The following WDR75 variants were observed in gnomAD, a reference collection of about 807,000 sequenced individuals.
WDR75 encodes WD repeat-containing protein 75.
A neutral mutation model predicts 106.1 loss-of-function variants in WDR75; 52 were observed. The observed-to-expected ratio is 0.49, with a 90% CI of 0.39 to 0.62. WDR75 has a LOEUF of 0.62. WDR75 is among the 20% of genes least tolerant of loss of function. The probability of loss-of-function intolerance (pLI) is 0.00; values close to 1 mark genes in which losing one functional copy is unlikely to be tolerated. For missense variants in WDR75, 905 were observed against 970.3 expected, an observed-to-expected ratio of 0.93 and a Z score of 0.89; for synonymous variants, 333 against 335.5, an observed-to-expected ratio of 0.99 and a Z score of 0.08.
chr2:189,442,440 TTC>T (rs142422444), intron 1 of WDR75, among the ~76,000 whole-genome samples: 3 of 114,184 alleles, frequency 2.6e-5, no homozygotes, highest in African/African-American at 9.1e-5. Context: ...CTCCACAATA[TTC>T]TTTTTTTTTT....
chr2:189,467,803 T>A (rs1045034270), intron 14 of WDR75, among the ~76,000 whole-genome samples, 155 bp downstream of exon 14: 3 of 152,152 alleles, frequency 2.0e-5, no homozygotes, highest in Non-Finnish European at 4.4e-5. Flanking sequence ...AAATTCTGAG[T>A]CCACAAACTG....
chr2:189,463,486 C>T (rs907501930), intron 9 of WDR75, among the ~76,000 whole-genome samples: 1 of 151,966 alleles, frequency 6.6e-6, no homozygotes, highest in East Asian at 1.9e-4. Flanking sequence ...CTTCCCTGAG[C>T]CACATTGGAA....
rs766120492 is a variant in WDR75, at chr2:189,458,112, G to T, written c.570-641G>T. ...AAATTTTTGTATTTTTAGTAGAGAC[G>T]GGGTTTCACCATATTGGTCAGGCTG... On this transcript the variant is annotated intron_variant, in intron 6 of 20. Transcript: ENST00000314761. Among the ~76,000 whole-genome samples, 7 of 151,962 alleles carry T rather than the reference G, an allele frequency of 4.6e-5. 1 individual carries two copies. Among genetic ancestry groups the T allele is most frequent in the Non-Finnish European group, 7.4e-5 (5 of 67,950 alleles).
intron 14 of WDR75, among the ~76,000 whole-genome samples, 199 bp downstream of exon 14, chr2:189,467,847 A>C (rs1687034132): frequency 6.6e-6 from 1 of 152,138 alleles, no homozygotes; most frequent in East Asian, 1.9e-4. Flanking sequence ...TTAACATTTA[A>C]CTCTTGGCCT....
intron 3 of WDR75, 35 bp from the exon 4 acceptor site, chr2:189,451,770 A>G (rs748670083): frequency 3.2e-6 from 5 of 1,574,346 alleles, no homozygotes; most frequent in Non-Finnish European, 2.6e-6. Flanking sequence ...TGGAGGGAAC[A>G]GACAGTAAAC....
At chr2:189,459,216 G>A in intron 7 of WDR75, 120 bp from the exon 8 acceptor site, 1 of 734,870 alleles carries the variant, frequency 1.4e-6, no homozygotes, top group Non-Finnish European at 2.1e-6. Flanking sequence ...ATTAAGACCA[G>A]AAGCCTTTAT....
intron 2 of WDR75, chr2:189,448,812 T>A: frequency 2.0e-6 from 1 of 501,906 alleles, no homozygotes; most frequent in South Asian, 1.5e-5. Flanking sequence ...TTCCCTTACA[T>A]GCATTGCGAA....
chr2:189,468,014 G>A (rs1001962795), intron 14 of WDR75, among the ~76,000 whole-genome samples: 2 of 152,178 alleles, frequency 1.3e-5, no homozygotes, highest in African/African-American at 4.8e-5. Flanking sequence ...GCAGGGGAAA[G>A]TAGCAGCAGC....
At chr2:189,445,605 G>T (rs181749548) in intron 1 of WDR75, among the ~76,000 whole-genome samples, 1 of 152,084 alleles carries the variant, frequency 6.6e-6, no homozygotes, top group Non-Finnish European at 1.5e-5. Flanking sequence ...TGGGGTCTAG[G>T]AACATAAAAA....
intron 19 of WDR75, among the ~76,000 whole-genome samples, 167 bp from the exon 20 acceptor site, chr2:189,474,550 A>G (rs1177616300): frequency 6.6e-6 from 1 of 152,154 alleles, no homozygotes; most frequent in Non-Finnish European, 1.5e-5. Context: ...TAAATGTAGG[A>G]AGGTAGAAAT....
rs547768895 is a variant in WDR75 at position 189,462,748 on chromosome 2, A to G, written c.937+106A>G. 7.9e-4 allele frequency: 830 copies of G among 1,045,002 alleles called. 20 individuals carry two copies. In the South Asian group the frequency reaches 0.015, roughly 19 times the overall value. The allele number at this position is 1,045,002 out of a possible 1,614,324, so 64.7% of individuals were successfully genotyped here. On this transcript the variant is annotated intron_variant, in intron 9 of 20. Coordinates refer to ENST00000314761, the MANE Select transcript of WDR75 (RefSeq NM_032168.3). Reference sequence around the variant, plus strand: ...GACCTAAAACTAAGAGTAGCGTATGAGATTTAATGAGCCTTCTTTTCCTTG... The same window carrying G: ...GACCTAAAACTAAGAGTAGCGTATGGGATTTAATGAGCCTTCTTTTCCTTG...
chr2:189,456,648 G>A lies in WDR75; in HGVS notation c.499-663G>A, dbSNP rs546853582. 6.0e-4 allele frequency among the ~76,000 whole-genome samples: 92 copies of A among 152,164 alleles called. 1 individual carries two copies. Among genetic ancestry groups the A allele is most frequent in the Non-Finnish European group, 4.4e-4 (30 of 68,016 alleles). On this transcript the variant is annotated intron_variant, in intron 5 of 20. Transcript: ENST00000314761. ...GAGGAATGACTGTAAAGAGGGAGGA[G>A]GGGGCATTTCTGAGGAAGGAAATGT...
Position 189,462,605 on chromosome 2 carries a change from T to C in WDR75, c.900T>C (p.Pro300=), listed in dbSNP as rs753440104. 20 of 1,613,910 alleles carry C rather than the reference T, an allele frequency of 1.2e-5. 1 individual carries two copies. In the South Asian group the frequency reaches 2.1e-4, roughly 17 times the overall value. The part of the protein sequence containing the change: ...GATIEHISVS[P]AGDLFCTSHS... ...CTATTGAACATATCTCAGTCTCGCC[T>C]GCAGGAGATTTATTCTGCACTTCTC... The change falls in exon 9 of 21, where the codon CCT becomes CCC. Residue 300 remains proline (P), a synonymous_variant. Coordinates refer to ENST00000314761, the MANE Select transcript of WDR75 (RefSeq NM_032168.3).
intron 1 of WDR75, among the ~76,000 whole-genome samples, chr2:189,443,859 T>C (rs563740111): frequency 4.6e-5 from 7 of 152,314 alleles, no homozygotes; most frequent in African/African-American, 1.7e-4. Context: ...GACCAGGGGT[T>C]AGAAGACCAG....
At position 189,466,912 on chromosome 2, in the gene WDR75, G is replaced by C. The variant is rs543498025; in HGVS notation, c.1447+330G>C. ...GAGGGCATAAATTTCAGAACAGTCA[G>C]TATTTTGTAGCAGTTCTGACTTAAA... On this transcript the variant is annotated intron_variant, in intron 13 of 20. Transcript: ENST00000314761. Among the ~76,000 whole-genome samples the C allele has an allele frequency of 1.1e-3, 165 of 152,174 alleles. 1 individual carries two copies. Among genetic ancestry groups the C allele is most frequent in the Non-Finnish European group, 1.9e-3 (127 of 68,034 alleles).
At chr2:189,450,846 G>T in intron 2 of WDR75, 57 bp from the exon 3 acceptor site, 1 of 1,594,530 alleles carries the variant, frequency 6.3e-7, no homozygotes, top group South Asian at 1.1e-5. Context: ...TTATTCATTT[G>T]ATATCTTGAT....
intron 2 of WDR75, 37 bp downstream of exon 2, chr2:189,448,545 G>T: frequency 6.3e-7 from 1 of 1,594,470 alleles, no homozygotes; most frequent in Non-Finnish European, 8.5e-7. Flanking sequence ...TTTAAGACTG[G>T]CTTTGTTCTT....
rs1213842197 is a variant in WDR75 at position 189,467,642 on chromosome 2, A to T, written c.1622A>T (p.Lys541Ile). 2 of 1,594,092 alleles carry T rather than the reference A, an allele frequency of 1.3e-6. No homozygotes were observed. The highest frequency in any genetic ancestry group is 1.4e-5 in the African/African-American group (1 of 73,984). ...LKCTFCQRAG[K>I]IRHLCFGRLT... is the part of the protein sequence containing the mutation. Reference sequence around the variant, plus strand: ...TGTACATTTTGCCAACGAGCTGGGAAAATAAGGTAGGTAAATCTTCGGGAA... The same window carrying T: ...TGTACATTTTGCCAACGAGCTGGGATAATAAGGTAGGTAAATCTTCGGGAA... Residue 541 changes from lysine (K) to isoleucine (I), a missense_variant, in exon 14 of 21, where the codon AAA (lysine) becomes ATA (isoleucine). By Grantham distance (102) the Lys-to-Ile change is moderately radical. Coordinates refer to ENST00000314761, the MANE Select transcript of WDR75 (RefSeq NM_032168.3).
chr2:189,446,413 G>A (rs1240036041), intron 1 of WDR75, among the ~76,000 whole-genome samples: 2 of 152,222 alleles, frequency 1.3e-5, no homozygotes, highest in Non-Finnish European at 2.9e-5. Context: ...TCATGGGAAT[G>A]GAGAAGAGGC....
Sources: gnomAD v4.1 joint callset for allele counts (sites outside exome capture counted in the v4.1 genomes callset) on GRCh38, gnomAD v4.1.1 for gene constraint, MANE v1.5 for transcripts, NCBI Gene and HGNC (gene_info 2026-07-23, HGNC 2026-07-21) for gene names.